RAPGEF1: variants seen among roughly 807,000 people sequenced by gnomAD.
RAPGEF1 encodes the protein Rap guanine nucleotide exchange factor 1, also known as CRK SH3-binding GNRP.
A neutral mutation model predicts 143.3 loss-of-function variants in RAPGEF1; 33 were observed. The observed-to-expected ratio is 0.23, with a 90% CI of 0.17 to 0.31. The LOEUF (loss-of-function observed/expected upper bound fraction) is 0.31, where lower values mean the gene tolerates loss of function less well. Among genes scored for constraint, RAPGEF1 ranks in the 10% least tolerant of loss-of-function variants. RAPGEF1 has a pLI of 1.00. For missense variants in RAPGEF1, 1,199 were observed against 1,645.4 expected, an observed-to-expected ratio of 0.73 and a Z score of 4.69; for synonymous variants, 629 against 676.5, an observed-to-expected ratio of 0.93 and a Z score of 1.09.
At chr9:131,714,257 C>T (rs185104636) in intron 1 of RAPGEF1, among the ~76,000 whole-genome samples, 5 of 152,118 alleles carry the variant, frequency 3.3e-5, no homozygotes, top group East Asian at 1.9e-4. Context: ...TGTCCCTACA[C>T]GCAAGACGCT....
At chr9:131,598,910 C>T (rs1955778499) in intron 15 of RAPGEF1, among the ~76,000 whole-genome samples, 1 of 151,396 alleles carries the variant, frequency 6.6e-6, no homozygotes, top group Non-Finnish European at 1.5e-5. Flanking sequence ...TCACAACCTC[C>T]ACCTCCTGGG....
chr9:131,620,564 C>G (rs1259974718), intron 11 of RAPGEF1, among the ~76,000 whole-genome samples: 1 of 152,100 alleles, frequency 6.6e-6, no homozygotes. Context: ...GGATCTGAGA[C>G]TCTGAAAATG....
chr9:131,657,857 T>C (rs536128505), intron 1 of RAPGEF1, among the ~76,000 whole-genome samples: 1 of 152,372 alleles, frequency 6.6e-6, no homozygotes, highest in African/African-American at 2.4e-5. Flanking sequence ...TATATCGACA[T>C]ATACAGTTTA....
Position 131,627,982 on chromosome 9 carries a change from C to T in RAPGEF1, c.1132G>A (p.Asp378Asn). 6.3e-7 allele frequency: 1 copy of T among 1,592,862 alleles called. No individual in the cohort carries two copies. The change falls in exon 9 of 27, where the codon GAC (aspartate) becomes AAC (asparagine). Residue 378 changes from aspartate (D) to asparagine (N), a missense_variant. Coordinates refer to ENST00000683357, the MANE Select transcript of RAPGEF1 (RefSeq NM_001377935.1). The part of the protein sequence containing the change: ...CSSIGKLSKS[D>N]EQLSSLDRDS... ...CTGTCCAGAGAGGACAGCTGCTCGTCTGACTTGCTGAGCTTGCCTATGCTG... is the reference window on the plus strand; with the variant it reads ...CTGTCCAGAGAGGACAGCTGCTCGTTTGACTTGCTGAGCTTGCCTATGCTG...
chr9:131,676,821 C>A (rs1346156338), intron 1 of RAPGEF1, among the ~76,000 whole-genome samples: 3 of 152,248 alleles, frequency 2.0e-5, no homozygotes, highest in African/African-American at 4.8e-5. Context: ...GCCTAGTCAG[C>A]GGTTCTCAAA....
intron 1 of RAPGEF1, among the ~76,000 whole-genome samples, chr9:131,699,144 C>T (rs1474404473): frequency 2.0e-5 from 3 of 152,292 alleles, no homozygotes; most frequent in South Asian, 2.1e-4. Flanking sequence ...TCTTCACTCC[C>T]GCTTTCAGCA....
intron 19 of RAPGEF1, 28 bp downstream of exon 19, chr9:131,589,858 C>A: frequency 6.2e-7 from 1 of 1,600,434 alleles, no homozygotes; most frequent in Non-Finnish European, 8.6e-7. Flanking sequence ...CCCACTGGCC[C>A]CCAGGACCCC....
chr9:131,613,160 T>C (rs1475746702), intron 12 of RAPGEF1, among the ~76,000 whole-genome samples: 1 of 152,232 alleles, frequency 6.6e-6, no homozygotes, highest in African/African-American at 2.4e-5. Flanking sequence ...TGTAACAACC[T>C]TGTGCTCCCA....
intron 17 of RAPGEF1, among the ~76,000 whole-genome samples, chr9:131,595,694 A>ACAACT (rs553196280): frequency 1.5e-3 from 52 of 35,096 alleles, no homozygotes; most frequent in African/African-American, 9.0e-3. Flanking sequence ...ACTGGGAATG[A>ACAACT]CTTTGCTAGC....
chr9:131,592,209 G>A (rs751185711), intron 17 of RAPGEF1, 26 bp from the exon 18 acceptor site: 1 of 1,550,568 alleles, frequency 6.4e-7, no homozygotes, highest in South Asian at 1.1e-5. Flanking sequence ...AATGCAAACT[G>A]CTTGTCTGGG....
intron 1 of RAPGEF1, among the ~76,000 whole-genome samples, chr9:131,656,346 G>A (rs1212410846): frequency 1.3e-5 from 2 of 152,032 alleles, no homozygotes; most frequent in African/African-American, 2.4e-5. Flanking sequence ...CCCTGCATAC[G>A]GATCCTATTG....
At position 131,588,865 on chromosome 9, in the gene RAPGEF1, G is replaced by C; in HGVS notation, c.2989C>G (p.Gln997Glu). ...GTGGCACACCTGAGTAGCTTCTTCT[G>C]GTCCACCTTGTCCAGGATGTTCTTC... ...LRKNILDKVD[Q>E]KKLLRCATSS... The change falls in exon 20 of 27, where the codon CAG (glutamine) becomes GAG (glutamate). Residue 997 changes from glutamine (Q) to glutamate (E), a missense_variant. Transcript: ENST00000683357. The C allele has an allele frequency of 6.2e-7, 1 of 1,613,896 alleles. No individual in the cohort carries two copies. Among genetic ancestry groups the C allele is most frequent in the Non-Finnish European group, 8.5e-7 (1 of 1,179,844 alleles).
intron 1 of RAPGEF1, among the ~76,000 whole-genome samples, chr9:131,734,589 A>AAG (rs1837298413): frequency 6.6e-6 from 1 of 152,200 alleles, no homozygotes; most frequent in Non-Finnish European, 1.5e-5. Context: ...TTGACTGAGT[A>AAG]TACTTTGACG....
chr9:131,605,288 C>A (rs778261519), intron 12 of RAPGEF1, 100 bp from the exon 13 acceptor site: 8 of 1,086,286 alleles, frequency 7.4e-6, no homozygotes, highest in Non-Finnish European at 9.6e-6. Flanking sequence ...AGGCCGTTCA[C>A]AATAACTTAG....
At position 131,583,260 on chromosome 9, in the gene RAPGEF1, C is replaced by T. The variant is rs1952166650; in HGVS notation, c.3415-558G>A. 6.6e-6 allele frequency among the ~76,000 whole-genome samples: 1 copy of T among 152,204 alleles called. No individual in the cohort carries two copies. Among genetic ancestry groups the T allele is most frequent in the Admixed American group, 6.5e-5 (1 of 15,282 alleles). ...TCAGAAGGCCCCTCTCCTGCCTCTT[C>T]TCCTGTTACGTGCCTCTCCCTGAAG... On this transcript the variant is annotated intron_variant, in intron 24 of 26. Transcript: ENST00000683357. The surrounding 1 kb of genome is among the most constrained non-coding windows in gnomAD (Gnocchi z 4.7).
chr9:131,582,504 C>T, intron 25 of RAPGEF1, 101 bp downstream of exon 25: 1 of 850,140 alleles, frequency 1.2e-6, no homozygotes, highest in Non-Finnish European at 1.7e-6. Context: ...CCGTTAGAAA[C>T]CCCTAAATTA....
intron 1 of RAPGEF1, among the ~76,000 whole-genome samples, chr9:131,727,365 C>G (rs1318001202): frequency 6.6e-6 from 1 of 152,148 alleles, no homozygotes; most frequent in Non-Finnish European, 1.5e-5. Context: ...GGGACAAGGT[C>G]CACAGAGTTT....
At chr9:131,682,013 A>G (rs992360083) in intron 1 of RAPGEF1, among the ~76,000 whole-genome samples, 1 of 152,206 alleles carries the variant, frequency 6.6e-6, no homozygotes, top group Admixed American at 6.5e-5. Context: ...AAGCGCATTT[A>G]GTTGATTATC....
chr9:131,739,566 C>T (rs1476281756), intron 1 of RAPGEF1, among the ~76,000 whole-genome samples: 1 of 150,498 alleles, frequency 6.6e-6, no homozygotes, highest in African/African-American at 2.4e-5. Flanking sequence ...CTGGCGCCCC[C>T]GCAGCGGCCG....
Sources: allele counts gnomAD v4.1 joint callset (sites outside exome capture counted in the v4.1 genomes callset), GRCh38; gene constraint gnomAD v4.1.1; non-coding constraint Gnocchi (gnomAD v3.1); transcripts MANE v1.5; gene names NCBI Gene and HGNC (gene_info 2026-07-23, HGNC 2026-07-21).